DCDC2: variants seen among roughly 807,000 people sequenced by gnomAD.
The protein encoded by DCDC2 is doublecortin domain-containing protein 2.
DCDC2 carries 40 observed loss-of-function variants against 50.2 expected under a neutral mutation model. The ratio of observed to expected loss-of-function variants is 0.80; its 90% CI spans 0.62 to 1.04. The LOEUF is 1.04. Among genes scored for constraint, DCDC2 ranks in the 50% least tolerant of loss-of-function variants. The probability of loss-of-function intolerance (pLI) is 0.00; values close to 1 mark genes in which losing one functional copy is unlikely to be tolerated. For synonymous variants in DCDC2, 234 were observed against 210.6 expected, an observed-to-expected ratio of 1.11 and a Z score of -0.96; for missense variants, 570 against 581.9, an observed-to-expected ratio of 0.98 and a Z score of 0.21.
chr6:24,282,587 T>G (rs1020438774), intron 6 of DCDC2, among the ~76,000 whole-genome samples: 3 of 152,090 alleles, frequency 2.0e-5, no homozygotes, highest in Non-Finnish European at 4.4e-5. Context: ...TCTTTCCAAC[T>G]AGATCCAACC....
At chr6:24,326,338 CACCA>C (rs753649560) in intron 2 of DCDC2, among the ~76,000 whole-genome samples, 2 of 148,736 alleles carry the variant, frequency 1.3e-5, no homozygotes, top group Non-Finnish European at 3.0e-5. Context: ...TTTTAGAATA[CACCA>C]ACCAATAGAA....
chr6:24,204,333 TG>T (rs1386299685), intron 8 of DCDC2, among the ~76,000 whole-genome samples: 3 of 152,218 alleles, frequency 2.0e-5, no homozygotes, highest in African/African-American at 7.2e-5. Flanking sequence ...TCGTGTCTTT[TG>T]CAGGGACATG....
At chr6:24,184,587 A>AC (rs1239007063) in intron 8 of DCDC2, among the ~76,000 whole-genome samples, 1 of 151,110 alleles carries the variant, frequency 6.6e-6, no homozygotes, top group East Asian at 1.9e-4. Flanking sequence ...TAAAAATAAA[A>AC]AAAAAAGAAT....
chr6:24,179,296 C>G (rs759697019), intron 8 of DCDC2, among the ~76,000 whole-genome samples: 13 of 152,026 alleles, frequency 8.6e-5, no homozygotes, highest in Non-Finnish European at 1.6e-4. Flanking sequence ...ACTTGTAATC[C>G]TAGCACTTTG....
At chr6:24,283,117 C>T (rs68182041) in intron 6 of DCDC2, among the ~76,000 whole-genome samples, 18,126 of 152,088 alleles carry the variant, frequency 0.12, 1,084 homozygotes, top group East Asian at 0.17. Flanking sequence ...CTAATTTTTT[C>T]GTCTTTTCCG....
At position 24,357,740 on chromosome 6, in the gene DCDC2, C is replaced by T. The variant is rs1760504406; in HGVS notation, c.11G>A (p.Ser4Asn). The change falls in exon 1 of 10, where the codon AGC becomes AAC. Residue 4 changes from serine (S) to asparagine (N), a missense_variant. Coordinates refer to ENST00000378454, the MANE Select transcript of DCDC2 (RefSeq NM_016356.5). Reference protein sequence around the residue: MSGSSARSSHLSQP... With the variant: MSGNSARSSHLSQP... The stretch of plus-strand genomic sequence containing the variant: ...AGACAGGTGGCTGGACCTGGCGCTG[C>T]TGCCGCTCATCTTCCCCGCTGGCCG... 8 of 1,612,430 alleles carry T rather than the reference C, an allele frequency of 5.0e-6. No homozygotes were observed. Among genetic ancestry groups the T allele is most frequent in the Non-Finnish European group, 1.7e-6 (2 of 1,179,394 alleles).
At chr6:24,365,287 T>G in the DCDC2 span, among the ~76,000 whole-genome samples, 1 of 152,176 alleles carries the variant, frequency 6.6e-6, no homozygotes, top group East Asian at 1.9e-4. Flanking sequence ...CTCACCTAGG[T>G]TTAGAGCTTT....
At chr6:24,256,822 T>C (rs2113803005) in intron 7 of DCDC2, among the ~76,000 whole-genome samples, 1 of 152,348 alleles carries the variant, frequency 6.6e-6, no homozygotes, top group South Asian at 2.1e-4. Flanking sequence ...ACATTATAAA[T>C]TGAGGAAAAT....
At chr6:24,357,290 A>C in intron 1 of DCDC2, 168 bp downstream of exon 1, 1 of 716,976 alleles carries the variant, frequency 1.4e-6, no homozygotes, top group Non-Finnish European at 2.1e-6. Flanking sequence ...TCACAGTGTC[A>C]ACCTCTACCC....
chr6:24,222,945 A>C (rs1330036627), intron 7 of DCDC2, among the ~76,000 whole-genome samples: 1 of 152,230 alleles, frequency 6.6e-6, no homozygotes, highest in African/African-American at 2.4e-5. Flanking sequence ...CAAATAGCTG[A>C]ACTTTTAAGA....
rs1214362736 is a variant in DCDC2 at position 24,357,808 on chromosome 6, T to C, written c.-58A>G. ...TTCGCGTCGGGAGGCACCTCCGCTG[T>C]CCCAGCGGCCTCACCGCACCCAGGG... is the stretch of plus-strand genomic sequence containing the variant. On this transcript the variant is annotated 5_prime_UTR_variant, in exon 1 of 10. Transcript: ENST00000378454. The C allele has an allele frequency of 6.2e-7, 1 of 1,608,848 alleles. No individual in the cohort carries two copies. Among genetic ancestry groups the C allele is most frequent in the South Asian group, 1.1e-5 (1 of 90,800 alleles).
At chr6:24,247,212 G>C (rs991389718) in intron 7 of DCDC2, among the ~76,000 whole-genome samples, 1 of 152,132 alleles carries the variant, frequency 6.6e-6, no homozygotes, top group African/African-American at 2.4e-5. Flanking sequence ...CTGCAGTGTA[G>C]CGGTTAAGGT....
intron 7 of DCDC2, among the ~76,000 whole-genome samples, chr6:24,220,883 C>A (rs200407132): frequency 2.1e-5 from 2 of 95,742 alleles, no homozygotes; most frequent in African/African-American, 3.4e-5. Context: ...AGAGCGAGAG[C>A]GAGAGAGTGA....
chr6:24,346,369 T>G (rs907760418), intron 2 of DCDC2, among the ~76,000 whole-genome samples: 6 of 152,134 alleles, frequency 3.9e-5, no homozygotes, highest in African/African-American at 1.4e-4. Context: ...CAAGGTATTT[T>G]TAAGAGTGGG....
the DCDC2 span, among the ~76,000 whole-genome samples, chr6:24,365,044 A>T: frequency 6.6e-6 from 1 of 151,964 alleles, no homozygotes. Context: ...GGTAACGGTG[A>T]CTCTCTGACA....
intron 2 of DCDC2, among the ~76,000 whole-genome samples, chr6:24,330,276 G>A (rs950419405): frequency 6.6e-6 from 1 of 152,064 alleles, no homozygotes; most frequent in Non-Finnish European, 1.5e-5. Context: ...ACGTTTCCAG[G>A]TTACCAACTA....
chr6:24,269,681 C>T (rs1315512196), intron 7 of DCDC2, among the ~76,000 whole-genome samples: 1 of 151,958 alleles, frequency 6.6e-6, no homozygotes, highest in Non-Finnish European at 1.5e-5. Context: ...CAGAGAAAGG[C>T]TTGGGTTGCA....
chr6:24,285,951 C>T (rs1365345786), intron 6 of DCDC2, among the ~76,000 whole-genome samples: 1 of 152,144 alleles, frequency 6.6e-6, no homozygotes, highest in Non-Finnish European at 1.5e-5. Context: ...ATACAGTACA[C>T]AGAAGGGATT....
the DCDC2 span, among the ~76,000 whole-genome samples, chr6:24,371,169 C>G: frequency 5.5e-3 from 820 of 150,266 alleles, 12 homozygotes; most frequent in African/African-American, 0.018. Context: ...CCCACCTACT[C>G]AGGAGGCTGA....
Sources: allele counts gnomAD v4.1 joint callset (sites outside exome capture counted in the v4.1 genomes callset), GRCh38; gene constraint gnomAD v4.1.1; transcripts MANE v1.5; gene names NCBI Gene and HGNC (gene_info 2026-07-23, HGNC 2026-07-21).